Variants in PAK3 observed in about 807,000 individuals in gnomAD.
The protein encoded by PAK3 is p21 (RAC1) activated kinase 3, also known as serine/threonine-protein kinase PAK 3.
Under a neutral mutation model 41.0 loss-of-function variants are expected in PAK3, and 4 were observed. The observed-to-expected ratio is 0.10, with a 90% CI of 0.05 to 0.22. The LOEUF is 0.22. PAK3 is among the 10% of genes least tolerant of loss of function. The pLI is 1.00. For missense variants in PAK3, 205 were observed against 409.9 expected (o/e 0.50, Z 4.32); for synonymous variants, 146 against 139.6 (o/e 1.05, Z -0.32).
intron 1 of PAK3, among the ~76,000 whole-genome samples, chrX:111,089,628 A>G (rs1209965592): frequency 2.7e-5 from 3 of 110,441 alleles, no homozygotes; most frequent in Non-Finnish European, 5.7e-5. Context: ...AGGCAGAGGG[A>G]AGATCAGGAG....
chrX:110,949,983 C>T (rs905732624), intron 1 of PAK3, among the ~76,000 whole-genome samples: 5 of 110,833 alleles, frequency 4.5e-5, no homozygotes, highest in African/African-American at 1.6e-4. Context: ...TAGTCAAACA[C>T]CTAAATACCA....
At chrX:111,197,187 T>C (rs768270252) in intron 16 of PAK3, among the ~76,000 whole-genome samples, 1 of 112,013 alleles carries the variant, frequency 8.9e-6, no homozygotes, top group South Asian at 3.8e-4. Flanking sequence ...TTTGGTTTTC[T>C]GTTTCTACAT....
At chrX:111,117,041 CTTGGTG>C (rs1255669550) in intron 4 of PAK3, among the ~76,000 whole-genome samples, 11 of 111,541 alleles carry the variant, frequency 9.9e-5, no homozygotes, top group African/African-American at 3.3e-4. Context: ...GCAGAGTTCC[CTTGGTG>C]AGTGCTCCAG....
chrX:111,038,229 G>A lies in PAK3; in HGVS notation c.-27-84848G>A, dbSNP rs138170127. Among the ~76,000 whole-genome samples the A allele has an allele frequency of 1.2e-4, 14 of 112,305 alleles. No individual in the cohort carries two copies. The East Asian group carries it at 3.9e-3, about 32-fold the overall frequency. On this transcript the variant is annotated intron_variant, in intron 1 of 14. Coordinates refer to the PAK3 transcript ENST00000425146. ...GTTGGGGGCAGGAAGCAAGGATCAG[G>A]TTAGTATCAGGGACTATAGCATAAA...
chrX:110,990,604 C>A (rs1427728322), intron 1 of PAK3, among the ~76,000 whole-genome samples: 2 of 108,505 alleles, frequency 1.8e-5, no homozygotes, highest in Non-Finnish European at 3.8e-5. Flanking sequence ...TTAAACTAAG[C>A]TTTGGAATAA....
chrX:111,105,169 C>T, intron 4 of PAK3, among the ~76,000 whole-genome samples: 2 of 111,588 alleles, frequency 1.8e-5, no homozygotes, highest in Middle Eastern at 4.6e-3. Context: ...CACAAATTCA[C>T]ATTCACGTAT....
intron 1 of PAK3, among the ~76,000 whole-genome samples, chrX:110,945,147 A>G (rs1261276447): frequency 8.9e-6 from 1 of 112,282 alleles, no homozygotes; most frequent in Non-Finnish European, 1.9e-5. Context: ...GTGACTACAC[A>G]CAGGAATGCA....
At chrX:111,152,163 A>T (rs143740820) in intron 7 of PAK3, among the ~76,000 whole-genome samples, 1,820 of 112,091 alleles carry the variant, frequency 0.016, 39 homozygotes, top group African/African-American at 0.056. Flanking sequence ...TTCCATATAA[A>T]TGAGATTCAC....
At chrX:110,945,122 G>A (rs1377872442) in intron 1 of PAK3, among the ~76,000 whole-genome samples, 4 of 112,025 alleles carry the variant, frequency 3.6e-5, no homozygotes, top group Non-Finnish European at 7.5e-5. Context: ...GAATGTGAGA[G>A]GACACTCCCT....
Position 111,224,081 on chromosome X carries a change from A to G in PAK3, c.*3634A>G, listed in dbSNP as rs1469786086. 8.9e-6 allele frequency: 1 copy of G among 112,091 alleles called. No homozygotes were observed. Among genetic ancestry groups the G allele is most frequent in the Non-Finnish European group, 1.9e-5 (1 of 53,229 alleles). 9.2% of individuals were successfully genotyped at this position (112,091 alleles called of 1,213,427 possible). A position where few individuals can be genotyped will look rare whatever the true frequency, so the allele number is the denominator to read the frequency against. On this transcript the variant is annotated 3_prime_UTR_variant, in exon 18 of 18. Coordinates refer to ENST00000372007, the MANE Select transcript of PAK3 (RefSeq NM_002578.5). ...AGAGCGCAGAGCATGCAGGGCAGAG[A>G]TATTTGCTAGTTACAATTATTCCAT...
intron 4 of PAK3, among the ~76,000 whole-genome samples, chrX:111,106,008 T>C (rs779848705): frequency 9.0e-6 from 1 of 111,696 alleles, no homozygotes; most frequent in East Asian, 2.8e-4. Flanking sequence ...ATTCACTCAC[T>C]TTCACATTCA....
At chrX:111,003,000 A>G (rs1202462089) in intron 1 of PAK3, among the ~76,000 whole-genome samples, 1 of 112,035 alleles carries the variant, frequency 8.9e-6, no homozygotes, top group African/African-American at 3.2e-5. Flanking sequence ...CTGGGGCCCT[A>G]CAATGTGTGC....
intron 16 of PAK3, among the ~76,000 whole-genome samples, chrX:111,199,665 G>A (rs1022366811): frequency 6.3e-5 from 7 of 111,741 alleles, no homozygotes; most frequent in African/African-American, 2.3e-4. Flanking sequence ...GATAGACATA[G>A]TGCCAACCTG....
chrX:111,077,772 C>A (rs2092799432), intron 1 of PAK3, among the ~76,000 whole-genome samples: 1 of 111,438 alleles, frequency 9.0e-6, no homozygotes, highest in African/African-American at 3.3e-5. Flanking sequence ...ACCTATGACC[C>A]CAAAAGCACA....
chrX:111,078,602 C>G (rs986236387), intron 1 of PAK3, among the ~76,000 whole-genome samples: 1 of 110,945 alleles, frequency 9.0e-6, no homozygotes, highest in Admixed American at 9.6e-5. Flanking sequence ...TGCCTATTTT[C>G]TGAGACACAA....
rs1262589523 is a variant in PAK3, at chrX:111,223,374, T to C, written c.*2927T>C. The C allele has an allele frequency of 9.3e-6, 1 of 108,087 alleles. No homozygotes were observed. Among genetic ancestry groups the C allele is most frequent in the Non-Finnish European group, 1.9e-5 (1 of 52,294 alleles). 8.9% of individuals were successfully genotyped at this position (108,087 alleles called of 1,213,427 possible). On this transcript the variant is annotated 3_prime_UTR_variant, in exon 18 of 18. Coordinates refer to ENST00000372007, the MANE Select transcript of PAK3 (RefSeq NM_002578.5). ...GTGCGTTGTCATAATCCCATGAGGA[T>C]TTTCAGATGACACAATCCCCTCAAA...
At chrX:110,954,633 C>A (rs1327661372) in intron 1 of PAK3, among the ~76,000 whole-genome samples, 1 of 111,480 alleles carries the variant, frequency 9.0e-6, no homozygotes, top group Admixed American at 9.5e-5. Context: ...ACAATAAAGA[C>A]CAGGAAAGAA....
At chrX:110,958,398 G>A (rs184393372) in intron 1 of PAK3, among the ~76,000 whole-genome samples, 5 of 111,594 alleles carry the variant, frequency 4.5e-5, no homozygotes, top group African/African-American at 9.8e-5. Context: ...TAAGAGTGGC[G>A]AGAAGAGAAA....
intron 5 of PAK3, among the ~76,000 whole-genome samples, chrX:111,129,391 C>T (rs1396084321): frequency 9.0e-6 from 1 of 111,334 alleles, no homozygotes; most frequent in Non-Finnish European, 1.9e-5. Flanking sequence ...AAATGTAGCC[C>T]ATCCAGCTTA....
Sources: allele counts gnomAD v4.1 joint callset (sites outside exome capture counted in the v4.1 genomes callset), GRCh38; gene constraint gnomAD v4.1.1; transcripts MANE v1.5; gene names NCBI Gene and HGNC (gene_info 2026-07-23, HGNC 2026-07-21).